The following ACSM2B variants were observed in gnomAD, a reference collection of about 807,000 sequenced individuals.
ACSM2B encodes acyl-CoA synthetase medium chain family member 2B.
A neutral mutation model predicts 78.6 loss-of-function variants in ACSM2B; 58 were observed. That is an observed-to-expected ratio of 0.74 (90% CI 0.60 to 0.92). ACSM2B has a LOEUF of 0.92. ACSM2B is among the 40% of genes least tolerant of loss of function. The pLI, the probability that ACSM2B is intolerant of heterozygous loss-of-function variation, is 0.00. For synonymous variants in ACSM2B, 257 were observed against 256.8 expected (o/e 1.00, Z -0.01); for missense variants, 688 against 711.2 (o/e 0.97, Z 0.37).
chr16:20,540,227 T>TGG (rs1340638177), intron 13 of ACSM2B, among the ~76,000 whole-genome samples: 17 of 77,208 alleles, frequency 2.2e-4, no homozygotes, highest in African/African-American at 5.4e-4. Context: ...TTTTTTTGTT[T>TGG]TTTTTTTTTG....
In ACSM2B at chr16:20,548,404, C is replaced by A; in HGVS notation, c.964G>T (p.Asp322Tyr). The change falls in exon 7 of 14, where the codon GAT becomes TAT. Residue 322 changes from aspartate (D) to tyrosine (Y), a missense_variant. Physicochemically the swap from Asp to Tyr is radical, Grantham distance 160. Coordinates refer to ENST00000329697, the MANE Select transcript of ACSM2B (RefSeq NM_001105069.2). ...PIVYRMLLQQ[D>Y]LSSYKFPHLQ... ...TCAAAGCCCCATCACCTGGAAAGAT[C>A]CTGCTGTAGCAACATCCGGTAAACA... The A allele has an allele frequency of 4.3e-6, 7 of 1,613,602 alleles. No homozygotes were observed. Among genetic ancestry groups the A allele is most frequent in the Non-Finnish European group, 5.9e-6 (7 of 1,179,708 alleles).
intron 3 of ACSM2B, among the ~76,000 whole-genome samples, chr16:20,558,318 C>G (rs2152140942): frequency 6.8e-6 from 1 of 147,776 alleles, no homozygotes; most frequent in African/African-American, 2.4e-5. Flanking sequence ...CATCCCCAGC[C>G]AAACCAATCA....
intron 1 of ACSM2B, among the ~76,000 whole-genome samples, chr16:20,568,812 T>C (rs181138053): frequency 6.6e-6 from 1 of 152,098 alleles, no homozygotes; most frequent in East Asian, 1.9e-4. Context: ...ATTTCCCTGA[T>C]CATTAGTGAT....
intron 4 of ACSM2B, 57 bp downstream of exon 4, chr16:20,555,212 G>A: frequency 1.9e-6 from 3 of 1,610,942 alleles, no homozygotes; most frequent in Non-Finnish European, 2.5e-6. Context: ...GCACCTAAGT[G>A]CTTGGCTCTG....
At chr16:20,559,832 A>T (rs1391246370) in intron 2 of ACSM2B, among the ~76,000 whole-genome samples, 1 of 151,050 alleles carries the variant, frequency 6.6e-6, no homozygotes. Flanking sequence ...ATGTCTTAGT[A>T]GAATAACATT....
chr16:20,560,413 A>C (rs377329190), intron 2 of ACSM2B, among the ~76,000 whole-genome samples: 2 of 151,974 alleles, frequency 1.3e-5, no homozygotes, highest in South Asian at 4.2e-4. Context: ...GTTGTTTAAA[A>C]GTGAGTGGCA....
chr16:20,560,807 G>A (rs1223395948), intron 2 of ACSM2B, among the ~76,000 whole-genome samples: 6 of 152,100 alleles, frequency 3.9e-5, no homozygotes, highest in Non-Finnish European at 5.9e-5. Flanking sequence ...TTAAATAGTT[G>A]TGAACAAAAT....
At chr16:20,553,951 G>T in intron 4 of ACSM2B, 31 bp from the exon 5 acceptor site, 1 of 1,612,396 alleles carries the variant, frequency 6.2e-7, no homozygotes, top group Non-Finnish European at 8.5e-7. Context: ...CATTTTCTCA[G>T]ATCTAGCCTG....
chr16:20,572,883 C>T (rs200737343), intron 1 of ACSM2B, among the ~76,000 whole-genome samples: 351 of 137,036 alleles, frequency 2.6e-3, no homozygotes, highest in East Asian at 9.8e-3. Context: ...CTTTTCAGTG[C>T]GTTTTTCTCT....
At chr16:20,541,688 T>C (rs2014996252) in intron 12 of ACSM2B, 3 of 141,032 alleles carry the variant, frequency 2.1e-5, no homozygotes, top group African/African-American at 2.6e-5. Flanking sequence ...TTTCTTTTTT[T>C]TTTTTTTTTT....
Position 20,542,934 on chromosome 16 carries a change from G to A in ACSM2B, c.1489C>T (p.Pro497Ser). ...ATCACCTCTCCTCGGACGGGGTCTGGGCTGCTGATCACAGCCGTCTCAACC... is the reference window on the plus strand; with the variant it reads ...ATCACCTCTCCTCGGACGGGGTCTGAGCTGCTGATCACAGCCGTCTCAACC... ...AVVETAVISSPDPVRGEVVKA... is the reference protein window; with the variant it reads ...AVVETAVISSSDPVRGEVVKA... Residue 497 changes from proline (P) to serine (S), a missense_variant, in exon 12 of 14, where the codon CCA (proline) becomes TCA (serine). Pro to Ser is a moderately conservative substitution (Grantham distance 74, BLOSUM62 -1). Transcript: ENST00000329697. 6.2e-7 allele frequency: 1 copy of A among 1,613,638 alleles called. No individual in the cohort carries two copies. Among genetic ancestry groups the A allele is most frequent in the Non-Finnish European group, 8.5e-7 (1 of 1,179,834 alleles).
At chr16:20,567,062 C>T (rs2015919095) in intron 1 of ACSM2B, among the ~76,000 whole-genome samples, 1 of 133,418 alleles carries the variant, frequency 7.5e-6, no homozygotes, top group African/African-American at 2.8e-5. Context: ...GACATGAATG[C>T]TCACTCTTAC....
rs1476552541 is a variant in ACSM2B at position 20,540,762 on chromosome 16, T to A, written c.1521A>T (p.Ala507=). 4 of 1,613,770 alleles carry A rather than the reference T, an allele frequency of 2.5e-6. No homozygotes were observed. Among genetic ancestry groups the A allele is most frequent in the Non-Finnish European group, 3.4e-6 (4 of 1,179,858 alleles). ...PDPVRGEVVK[A]FVILASQFLS... is the part of the protein sequence containing the mutation. ...GGAACTGCGAGGCCAGGATCACAAA[T>A]GCCTTCACCACCTGCAAAATAGATG... Residue 507 remains alanine (A), a synonymous_variant, in exon 13 of 14, where the codon GCA becomes GCT. Coordinates refer to ENST00000329697, the MANE Select transcript of ACSM2B (RefSeq NM_001105069.2).
chr16:20,547,936 A>T, intron 8 of ACSM2B, 126 bp downstream of exon 8: 2 of 1,539,126 alleles, frequency 1.3e-6, no homozygotes, highest in South Asian at 1.3e-5. Flanking sequence ...CTGTCCCTTC[A>T]CAGAGGCTCA....
intron 9 of ACSM2B, among the ~76,000 whole-genome samples, chr16:20,545,576 G>A (rs1180713181): frequency 1.3e-5 from 2 of 152,072 alleles, no homozygotes; most frequent in African/African-American, 2.4e-5. Context: ...TAGAAATCGG[G>A]CAGATCAAAA....
chr16:20,556,422 C>T (rs150662067), intron 3 of ACSM2B, among the ~76,000 whole-genome samples: 33 of 152,164 alleles, frequency 2.2e-4, no homozygotes, highest in East Asian at 1.2e-3. Context: ...GCCAACATGG[C>T]GAAACCCCAG....
Position 20,544,945 on chromosome 16 carries a change from G to GT in ACSM2B, c.1281+211dup, listed in dbSNP as rs542445610. 1,318 of 1,027,002 alleles carry GT rather than the reference G, an allele frequency of 1.3e-3. 31 individuals carry two copies. In the South Asian group the frequency reaches 0.027, roughly 21 times the overall value. 63.6% of individuals were successfully genotyped at this position (1,027,002 alleles called of 1,614,324 possible). Reference sequence around the variant, plus strand: ...CTAAGGGCTAACTGAAGAAAAATAAGTCTTCCAATGAGATCACAGTGATAG... The same window carrying GT: ...CTAAGGGCTAACTGAAGAAAAATAAGTTCTTCCAATGAGATCACAGTGATAG... On this transcript the variant is annotated intron_variant, in intron 10 of 13. Transcript: ENST00000329697.
chr16:20,541,965 G>C (rs2015006407), intron 12 of ACSM2B: 1 of 152,316 alleles, frequency 6.6e-6, no homozygotes, highest in South Asian at 2.1e-4. Context: ...CTTTCTAAAA[G>C]TTTTTATCAT....
chr16:20,558,769 A>T (rs1218245178), intron 3 of ACSM2B, among the ~76,000 whole-genome samples: 1 of 152,200 alleles, frequency 6.6e-6, no homozygotes, highest in African/African-American at 2.4e-5. Context: ...CGTTCCAACT[A>T]CTCAAGTTGC....
Sources: allele counts gnomAD v4.1 joint callset (sites outside exome capture counted in the v4.1 genomes callset), GRCh38; gene constraint gnomAD v4.1.1; transcripts MANE v1.5; gene names NCBI Gene and HGNC (gene_info 2026-07-23, HGNC 2026-07-21).